Variants in DUSP11 observed in about 807,000 individuals in gnomAD.
DUSP11 encodes the protein dual specificity phosphatase 11.
DUSP11 carries 27 observed loss-of-function variants against 41.4 expected under a neutral mutation model. That is an observed-to-expected ratio of 0.65 (90% CI 0.48 to 0.90). DUSP11 has a LOEUF of 0.90. Among genes scored for constraint, DUSP11 ranks in the 40% least tolerant of loss-of-function variants. DUSP11 has a pLI of 0.00. For missense variants in DUSP11, 465 were observed against 461.1 expected (o/e 1.01, Z -0.08); for synonymous variants, 188 against 159.3 (o/e 1.18, Z -1.35).
chr2:73,774,204 A>G (rs1350153406), intron 3 of DUSP11, among the ~76,000 whole-genome samples: 5 of 152,228 alleles, frequency 3.3e-5, no homozygotes, highest in Admixed American at 2.0e-4. Flanking sequence ...TAAATTATAT[A>G]AACAGTTCCA....
In DUSP11 at chr2:73,766,687, C is replaced by T; in HGVS notation, c.759-93G>A. ...TTTTGGCATATGAAAATAACAATTT[C>T]TTCCTTCTCCCATTCCTATTTGTTT... is the stretch of plus-strand genomic sequence containing the variant. On this transcript the variant is annotated intron_variant, in intron 7 of 8. Transcript: ENST00000272444. The T allele has an allele frequency of 2.1e-6, 3 of 1,417,058 alleles. No homozygotes were observed. The Admixed American group carries it at 6.2e-5, about 29-fold the overall frequency. 87.8% of individuals were successfully genotyped at this position (1,417,058 alleles called of 1,614,324 possible). A position where few individuals can be genotyped will look rare whatever the true frequency, so the allele number is the denominator to read the frequency against.
chr2:73,767,178 G>T (rs1237612673), exon 6 of DUSP11: 1 of 1,612,400 alleles, frequency 6.2e-7, no homozygotes, highest in Non-Finnish European at 8.5e-7. Flanking sequence ...TGCATCATCT[G>T]GCCTCACGCC....
chr2:73,771,394 C>A (rs1450858528), intron 4 of DUSP11, among the ~76,000 whole-genome samples: 1 of 152,210 alleles, frequency 6.6e-6, no homozygotes, highest in Non-Finnish European at 1.5e-5. Context: ...AAATTCTCAT[C>A]CCTGCAGCTC....
At chr2:73,779,114 G>A (rs919488977) in intron 1 of DUSP11, among the ~76,000 whole-genome samples, 18 of 152,284 alleles carry the variant, frequency 1.2e-4, no homozygotes, top group African/African-American at 4.3e-4. Context: ...TTGGACCATT[G>A]CACTCCAGCC....
intron 5 of DUSP11, chr2:73,768,950 C>T (rs1477394176): frequency 5.9e-5 from 11 of 185,840 alleles, no homozygotes; most frequent in East Asian, 1.3e-4. Flanking sequence ...AGCAAGACTC[C>T]GTCTCAATAA....
chr2:73,778,571 T>C (rs1573186886), intron 1 of DUSP11, among the ~76,000 whole-genome samples, 195 bp from the exon 2 acceptor site: 2 of 152,112 alleles, frequency 1.3e-5, no homozygotes, highest in South Asian at 4.1e-4. Context: ...TTCCCCATCA[T>C]AAAAACGAAC....
intron 5 of DUSP11, chr2:73,769,043 T>C: frequency 2.5e-6 from 1 of 407,604 alleles, no homozygotes; most frequent in Non-Finnish European, 4.3e-6. Context: ...ACAGAATGTC[T>C]AACTATTATA....
At chr2:73,770,471 T>A (rs1343813263) in intron 4 of DUSP11, among the ~76,000 whole-genome samples, 372 of 148,388 alleles carry the variant, frequency 2.5e-3, no homozygotes, top group African/African-American at 8.8e-3. Flanking sequence ...GCCAAAATGG[T>A]GCCACTGCGC....
chr2:73,771,824 C>A (rs1672585993), intron 4 of DUSP11, among the ~76,000 whole-genome samples: 1 of 130,516 alleles, frequency 7.7e-6, no homozygotes, highest in African/African-American at 2.9e-5. Flanking sequence ...AATTAACCCA[C>A]ATCTTTTTTT....
chr2:73,770,479 C>T (rs1490379292), intron 4 of DUSP11, among the ~76,000 whole-genome samples: 42 of 149,418 alleles, frequency 2.8e-4, no homozygotes, highest in Admixed American at 1.4e-3. Flanking sequence ...GGTGCCACTG[C>T]GCTCCAGCTT....
Position 73,767,405 on chromosome 2 carries a change from A to G in DUSP11, c.636-198T>C, listed in dbSNP as rs1032519792. On this transcript the variant is annotated intron_variant, in intron 5 of 8. Transcript: ENST00000272444. ...TTTTTCAAGAATGCAAGGATGACCC[A>G]ACTCCAGAAAATCTATTTATATATT... 13 of 470,002 alleles carry G rather than the reference A, an allele frequency of 2.8e-5. No homozygotes were observed. The Admixed American group carries it at 3.1e-4, about 11-fold the overall frequency. 29.1% of individuals were successfully genotyped at this position (470,002 alleles called of 1,614,324 possible).
chr2:73,776,603 T>A (rs1672691451), intron 2 of DUSP11, among the ~76,000 whole-genome samples: 1 of 152,104 alleles, frequency 6.6e-6, no homozygotes. Context: ...GACACATCGT[T>A]ATCACCAAAG....
At chr2:73,767,313 A>G in intron 5 of DUSP11, 106 bp from the exon 6 acceptor site, 1 of 837,650 alleles carries the variant, frequency 1.2e-6, no homozygotes, top group Non-Finnish European at 2.0e-6. Context: ...TAAAAATCCT[A>G]AGAAAATATC....
At chr2:73,771,376 T>C (rs2103938359) in intron 4 of DUSP11, among the ~76,000 whole-genome samples, 1 of 152,356 alleles carries the variant, frequency 6.6e-6, no homozygotes, top group Admixed American at 6.5e-5. Flanking sequence ...CCTTTTCTCA[T>C]ACTGGCAAAA....
chr2:73,778,464 C>T, intron 1 of DUSP11, 88 bp from the exon 2 acceptor site: 2 of 788,844 alleles, frequency 2.5e-6, no homozygotes, highest in East Asian at 3.1e-5. Context: ...GGAATCATAG[C>T]CCGCACAACA....
At position 73,774,906 on chromosome 2, in the gene DUSP11, C is replaced by T. The variant is rs1244372152; in HGVS notation, c.450+7G>A. On this transcript the variant is annotated splice_region_variant and intron_variant, in intron 3 of 8. Transcript: ENST00000272444. Reference sequence around the variant, plus strand: ...GAAAGTTCTTTTCATTGAAGGGTTCCACTTACCTCTGGTTTATAATAGCGT... The same window carrying T: ...GAAAGTTCTTTTCATTGAAGGGTTCTACTTACCTCTGGTTTATAATAGCGT... The T allele has an allele frequency of 3.9e-6, 6 of 1,545,660 alleles. No homozygotes were observed. The South Asian group carries it at 6.3e-5, about 16-fold the overall frequency.
intron 4 of DUSP11, among the ~76,000 whole-genome samples, chr2:73,770,166 G>A (rs1230109414): frequency 2.7e-5 from 4 of 146,432 alleles, no homozygotes; most frequent in Middle Eastern, 3.4e-3. Context: ...ATTGTGGCGG[G>A]AGCCTATAAT....
At chr2:73,766,326 A>T in intron 8 of DUSP11, 92 bp downstream of exon 8, 1 of 1,211,090 alleles carries the variant, frequency 8.3e-7, no homozygotes, top group Non-Finnish European at 1.1e-6. Context: ...AAAAAAAACG[A>T]AGAATTCCTC....
intron 3 of DUSP11, 25 bp downstream of exon 3, chr2:73,774,888 C>A (rs747981974): frequency 4.0e-6 from 6 of 1,494,892 alleles, no homozygotes; most frequent in South Asian, 1.4e-5. Context: ...GAAGAAAGTT[C>A]TTTTCATTGA....
Sources: gnomAD v4.1 joint callset for allele counts (sites outside exome capture counted in the v4.1 genomes callset) on GRCh38, gnomAD v4.1.1 for gene constraint, MANE v1.5 for transcripts, NCBI Gene and HGNC (gene_info 2026-07-23, HGNC 2026-07-21) for gene names.